DMXL1: variants seen among roughly 807,000 people sequenced by gnomAD.
DMXL1 encodes Dmx like 1.
A neutral mutation model predicts 319.2 loss-of-function variants in DMXL1; 99 were observed. That is an observed-to-expected ratio of 0.31 (90% confidence interval 0.26 to 0.37). The LOEUF (loss-of-function observed/expected upper bound fraction) is 0.37. Among genes scored for constraint, DMXL1 ranks in the 10% least tolerant of loss-of-function variants. DMXL1 has a pLI of 1.00. For missense variants in DMXL1, 3,745 were observed against 3,595.6 expected, an observed-to-expected ratio of 1.04 and a Z score of -1.06; for synonymous variants, 1,385 against 1,235.2, an observed-to-expected ratio of 1.12 and a Z score of -2.54.
rs753154447 is a variant in DMXL1 at position 119,133,683 on chromosome 5, A to C, written c.1759A>C (p.Ser587Arg). 4.4e-5 allele frequency: 71 copies of C among 1,614,076 alleles called. 2 individuals are homozygous for C. In the Middle Eastern group the frequency reaches 6.6e-4, roughly 15 times the overall value. ...ISSGHNKSSN[S>R]LKLSIFTPNV... ...TTCTGGTCACAATAAATCATCTAAT[A>C]GTTTAAAATTAAGTATTTTTACGCC... The change falls in exon 12 of 44, where the codon AGT becomes CGT. Residue 587 changes from serine (S) to arginine (R), a missense_variant. Physicochemically the swap from Ser to Arg is moderately radical, Grantham distance 110 (BLOSUM62 -1). Transcript: ENST00000539542.
At chr5:119,129,550 G>A (rs1764340139) in intron 10 of DMXL1, 127 bp downstream of exon 10, 1 of 655,616 alleles carries the variant, frequency 1.5e-6, no homozygotes, top group South Asian at 2.0e-5. Flanking sequence ...ACATGGACTA[G>A]CTCATTTAAT....
rs764861249 is a variant in DMXL1 at position 119,134,110 on chromosome 5, A to G, written c.2186A>G (p.Asn729Ser). 2 of 1,613,972 alleles carry G rather than the reference A, an allele frequency of 1.2e-6. No individual in the cohort carries two copies. The highest frequency in any genetic ancestry group is 1.7e-6 in the Non-Finnish European group (2 of 1,180,024). Reference sequence around the variant, plus strand: ...GGAGTTTCTGAGCTTGCCCGGATTAATTCTCTTCATGTTTCTGCCTTTTCC... The same window carrying G: ...GGAGTTTCTGAGCTTGCCCGGATTAGTTCTCTTCATGTTTCTGCCTTTTCC... ...SGGVSELARI[N>S]SLHVSAFSNV... The change falls in exon 12 of 44, where the codon AAT becomes AGT. Residue 729 changes from asparagine (N) to serine (S), a missense_variant. This residue lies in a region of DMXL1 where 2,096 missense variants were observed against 1,985.4 expected (regional missense o/e 1.06). Transcript: ENST00000539542.
At position 119,218,998 on chromosome 5, in the gene DMXL1, C is replaced by T. The variant is rs577718663; in HGVS notation, c.8014-1474C>T. ...TGAGGCAGGCAGTGGATTGTTTAAACAGTCCATTTAATTGATCCATTAAAC... is the reference window on the plus strand; with the variant it reads ...TGAGGCAGGCAGTGGATTGTTTAAATAGTCCATTTAATTGATCCATTAAAC... On this transcript the variant is annotated intron_variant, in intron 35 of 43. Coordinates refer to ENST00000539542, the MANE Select transcript of DMXL1 (RefSeq NM_001290321.3). Among the ~76,000 whole-genome samples, 18 of 152,256 alleles carry T rather than the reference C, an allele frequency of 1.2e-4. No individual in the cohort carries two copies. The East Asian group carries it at 3.1e-3, about 26-fold the overall frequency.
At chr5:119,211,591 C>G (rs1413385720) in intron 34 of DMXL1, among the ~76,000 whole-genome samples, 1 of 152,142 alleles carries the variant, frequency 6.6e-6, no homozygotes, top group African/African-American at 2.4e-5. Context: ...CAAATTATGT[C>G]TTCTTTAGTA....
rs535436565 is a variant in DMXL1, at chr5:119,153,259, T to A, written c.4702+1223T>A. Among the ~76,000 whole-genome samples, 244 of 152,336 alleles carry A rather than the reference T, an allele frequency of 1.6e-3. 2 individuals carry two copies. In the South Asian group the frequency reaches 0.048, roughly 30 times the overall value. On this transcript the variant is annotated intron_variant, in intron 19 of 43. Coordinates refer to ENST00000539542, the MANE Select transcript of DMXL1 (RefSeq NM_001290321.3). ...CCCAAAGTGCTGGGCATTATGGGCGTGAGCCATCTTGCCAGGCCAAATTCT... is the reference window on the plus strand; with the variant it reads ...CCCAAAGTGCTGGGCATTATGGGCGAGAGCCATCTTGCCAGGCCAAATTCT...
At chr5:119,153,001 G>A (rs1770172852) in intron 19 of DMXL1, among the ~76,000 whole-genome samples, 1 of 150,028 alleles carries the variant, frequency 6.7e-6, no homozygotes, top group Non-Finnish European at 1.5e-5. Flanking sequence ...TTTTGAGATA[G>A]AGTCTTGCTC....
At chr5:119,102,286 A>G (rs1757437385) in intron 3 of DMXL1, 1 of 252,912 alleles carries the variant, frequency 4.0e-6, no homozygotes, top group East Asian at 1.1e-4. Flanking sequence ...GTTTGGCACT[A>G]CTTTATTGCT....
intron 1 of DMXL1, among the ~76,000 whole-genome samples, chr5:119,074,134 G>C (rs1750282766): frequency 6.6e-6 from 1 of 152,156 alleles, no homozygotes; most frequent in Non-Finnish European, 1.5e-5. Context: ...GGTCAGGCTG[G>C]TCTGGAGCTC....
At chr5:119,087,073 C>A (rs1753541693) in intron 1 of DMXL1, among the ~76,000 whole-genome samples, 1 of 151,542 alleles carries the variant, frequency 6.6e-6, no homozygotes, top group South Asian at 2.1e-4. Context: ...CTTGGGTCTT[C>A]TCTTTTTTGC....
At chr5:119,128,281 C>T (rs144653127) in intron 9 of DMXL1, 1 of 299,098 alleles carries the variant, frequency 3.3e-6, no homozygotes, top group Non-Finnish European at 6.5e-6. Context: ...TCCAGATTTC[C>T]CCACTGCCAT....
At chr5:119,098,915 T>G (rs1382046902) in intron 2 of DMXL1, among the ~76,000 whole-genome samples, 1 of 152,236 alleles carries the variant, frequency 6.6e-6, no homozygotes, top group Non-Finnish European at 1.5e-5. Flanking sequence ...ACCCAATCAT[T>G]TGTTTTTAAA....
chr5:119,171,945 C>T lies in DMXL1; in HGVS notation c.6657C>T (p.Pro2219=). ...LHAIINFDSP[P]HPDIQSNKVY... is the part of the protein sequence containing the mutation. ...CCATAATAAACTTTGATTCACCACCCCACCCTGATATCCAAAGCAATAAAG... is the reference window on the plus strand; with the variant it reads ...CCATAATAAACTTTGATTCACCACCTCACCCTGATATCCAAAGCAATAAAG... The change falls in exon 25 of 44, where the codon CCC becomes CCT. Residue 2219 remains proline, a synonymous_variant. Coordinates refer to ENST00000539542, the MANE Select transcript of DMXL1 (RefSeq NM_001290321.3). 2 of 1,612,840 alleles carry T rather than the reference C, an allele frequency of 1.2e-6. No individual in the cohort carries two copies. Among genetic ancestry groups the T allele is most frequent in the Non-Finnish European group, 1.7e-6 (2 of 1,179,388 alleles).
At chr5:119,094,300 A>T (rs1561561580) in intron 1 of DMXL1, among the ~76,000 whole-genome samples, 1 of 152,316 alleles carries the variant, frequency 6.6e-6, no homozygotes, top group South Asian at 2.1e-4. Context: ...TCATGCCGAG[A>T]ATCCTAGAGT....
rs200554501 is a variant in DMXL1, at chr5:119,194,865, G to C, written c.7457+895G>C. ...AGCGCAGGAGTTCAAGACCAGCCCA[G>C]GCAACATGGCAAAACCCGATCTATA... On this transcript the variant is annotated intron_variant, in intron 30 of 43. Coordinates refer to ENST00000539542, the MANE Select transcript of DMXL1 (RefSeq NM_001290321.3). 2.4e-4 allele frequency among the ~76,000 whole-genome samples: 37 copies of C among 152,036 alleles called. No homozygotes were observed. In the East Asian group the frequency reaches 6.0e-3, roughly 25 times the overall value.
At chr5:119,157,066 G>A (rs1771256651) in intron 19 of DMXL1, among the ~76,000 whole-genome samples, 1 of 151,398 alleles carries the variant, frequency 6.6e-6, no homozygotes. Flanking sequence ...TGCCCAGGCT[G>A]GAGTCAAACT....
intron 13 of DMXL1, among the ~76,000 whole-genome samples, chr5:119,137,382 C>G (rs543582810): frequency 6.6e-6 from 1 of 152,262 alleles, no homozygotes; most frequent in South Asian, 2.1e-4. Flanking sequence ...TCAGATGATA[C>G]TTTGGACTTG....
In DMXL1 at chr5:119,171,053, G is replaced by A. The variant is rs866467710; in HGVS notation, c.6262G>A (p.Gly2088Ser). 1 of 1,613,796 alleles carries A rather than the reference G, an allele frequency of 6.2e-7. No individual in the cohort carries two copies. Among genetic ancestry groups the A allele is most frequent in the Non-Finnish European group, 8.5e-7 (1 of 1,179,860 alleles). The change falls in exon 24 of 44, where the codon GGC (glycine) becomes AGC (serine). Residue 2088 changes from glycine to serine, a missense_variant. Physicochemically the swap from Gly to Ser is moderately conservative, Grantham distance 56. Coordinates refer to ENST00000539542, the MANE Select transcript of DMXL1 (RefSeq NM_001290321.3). ...SDAEELQSAF[G>S]RNEDEFGLNE... is the part of the protein sequence containing the mutation. ...TGCTGAAGAACTACAGTCTGCATTT[G>A]GCAGAAATGAAGATGAATTTGGATT... is the stretch of plus-strand genomic sequence containing the variant.
intron 36 of DMXL1, 53 bp from the exon 37 acceptor site, chr5:119,220,887 A>G (rs376891615): frequency 4.4e-6 from 7 of 1,581,470 alleles, no homozygotes; most frequent in Non-Finnish European, 5.2e-6. Context: ...TTTCAAGTGT[A>G]AAAAAGAAAG....
Position 119,133,062 on chromosome 5 carries a change from C to T in DMXL1, c.1316-70C>T, listed in dbSNP as rs1765282825. On this transcript the variant is annotated intron_variant, in intron 10 of 43. Transcript: ENST00000539542. ...CTCCATGTGTTCAGCTATCCAGAAG[C>T]TCGGTAATTCTTAATTTATAGTAAT... is the stretch of plus-strand genomic sequence containing the variant. 2.0e-5 allele frequency: 31 copies of T among 1,543,112 alleles called. No individual in the cohort carries two copies. In the South Asian group the frequency reaches 3.8e-4, roughly 19 times the overall value.
Sources: allele counts gnomAD v4.1 joint callset (sites outside exome capture counted in the v4.1 genomes callset), GRCh38; gene constraint gnomAD v4.1.1; regional missense constraint gnomAD v4.1.1; transcripts MANE v1.5; gene names NCBI Gene and HGNC (gene_info 2026-07-23, HGNC 2026-07-21).